EVI5: variants seen among roughly 807,000 people sequenced by gnomAD.
The protein encoded by EVI5 is ecotropic viral integration site 5.
In EVI5, 73 loss-of-function variants were observed where a neutral mutation model predicts 112.0. The ratio of observed to expected loss-of-function variants is 0.65; its 90% CI spans 0.54 to 0.79. The LOEUF is 0.79. EVI5 is among the 30% of genes least tolerant of loss of function. The probability of loss-of-function intolerance (pLI) is 0.00; values close to 1 mark genes in which losing one functional copy is unlikely to be tolerated. For missense variants in EVI5, 900 were observed against 968.8 expected (o/e 0.93, Z 0.94); for synonymous variants, 305 against 319.9 (o/e 0.95, Z 0.50).
intron 6 of EVI5, 32 bp downstream of exon 6, chr1:92,697,828 A>G (rs7418336): frequency 0.65 from 1,024,077 of 1,571,088 alleles, 338,393 homozygotes; most frequent in East Asian, 0.93. Flanking sequence ...ATATAAAGGC[A>G]ATATGCCTTT....
At chr1:92,586,658 CTTA>C (rs1425952132) in intron 18 of EVI5, among the ~76,000 whole-genome samples, 1 of 130,932 alleles carries the variant, frequency 7.6e-6, no homozygotes, top group East Asian at 2.3e-4. Flanking sequence ...TGAGTACTTC[CTTA>C]CTTATTGGCA....
intron 18 of EVI5, among the ~76,000 whole-genome samples, chr1:92,591,473 T>C (rs1342788564): frequency 6.6e-6 from 1 of 151,968 alleles, no homozygotes; most frequent in Non-Finnish European, 1.5e-5. Flanking sequence ...TAGTTTCCAA[T>C]AAAACAGACT....
At chr1:92,550,396 A>C (rs1054517904) in intron 19 of EVI5, among the ~76,000 whole-genome samples, 3 of 150,948 alleles carry the variant, frequency 2.0e-5, no homozygotes, top group Non-Finnish European at 4.4e-5. Context: ...ATCTAATGTA[A>C]ATGAGGAGTT....
intron 19 of EVI5, among the ~76,000 whole-genome samples, chr1:92,531,912 T>C (rs780930573): frequency 1.3e-5 from 2 of 152,164 alleles, no homozygotes; most frequent in African/African-American, 2.4e-5. Context: ...AGCATCATAA[T>C]GGCAGGATCA....
chr1:92,597,761 C>A (rs1030852939), intron 18 of EVI5, among the ~76,000 whole-genome samples: 1 of 152,280 alleles, frequency 6.6e-6, no homozygotes, highest in Middle Eastern at 3.4e-3. Flanking sequence ...ACAGTAAGCA[C>A]CCAATATAGC....
chr1:92,766,811 G>A (rs1406663386), intron 1 of EVI5, among the ~76,000 whole-genome samples: 1 of 152,184 alleles, frequency 6.6e-6, no homozygotes, highest in Non-Finnish European at 1.5e-5. Flanking sequence ...GCCAGGCGCA[G>A]TGATTCAAGC....
Position 92,552,190 on chromosome 1 carries a change from C to A in EVI5, c.2166+11452G>T, listed in dbSNP as rs114435548. 1.8e-3 allele frequency among the ~76,000 whole-genome samples: 274 copies of A among 148,228 alleles called. 4 individuals are homozygous for A. The highest frequency in any genetic ancestry group is 6.3e-3 in the African/African-American group (252 of 40,288). On this transcript the variant is annotated intron_variant, in intron 19 of 19. Transcript: ENST00000684568. The stretch of plus-strand genomic sequence containing the variant: ...GAGTTCCCACTGGCCAAATTTGGGA[C>A]AATATGAACACCAAGAGAACTGACT...
intron 1 of EVI5, among the ~76,000 whole-genome samples, chr1:92,770,738 C>T (rs971717793): frequency 4.6e-5 from 7 of 151,480 alleles, no homozygotes; most frequent in East Asian, 2.0e-4. Flanking sequence ...TGCAGTGAGC[C>T]GAAATCGCGC....
intron 18 of EVI5, among the ~76,000 whole-genome samples, chr1:92,588,389 T>G (rs1323028755): frequency 6.6e-6 from 1 of 152,216 alleles, no homozygotes; most frequent in Admixed American, 6.5e-5. Context: ...GCTCCTTATG[T>G]CAGGCCCTTT....
At chr1:92,543,041 C>T (rs1272109616) in intron 19 of EVI5, among the ~76,000 whole-genome samples, 1 of 152,186 alleles carries the variant, frequency 6.6e-6, no homozygotes, top group African/African-American at 2.4e-5. Context: ...TTGGCTTCAA[C>T]TTAAAGTCAA....
intron 18 of EVI5, among the ~76,000 whole-genome samples, chr1:92,593,717 CAA>C (rs1201403044): frequency 6.6e-6 from 1 of 152,178 alleles, no homozygotes; most frequent in Non-Finnish European, 1.5e-5. Flanking sequence ...GCAACTTCAG[CAA>C]AGTCTCAGGA....
chr1:92,520,846 C>G (rs550789361), intron 19 of EVI5, among the ~76,000 whole-genome samples: 2 of 150,544 alleles, frequency 1.3e-5, no homozygotes, highest in East Asian at 3.9e-4. Flanking sequence ...AGAGTGCAAC[C>G]CTGTCTAAAA....
chr1:92,695,682 A>G (rs1670211371), intron 6 of EVI5, among the ~76,000 whole-genome samples: 1 of 152,186 alleles, frequency 6.6e-6, no homozygotes. Flanking sequence ...ATTTATTAAT[A>G]AAAAGAAACT....
At chr1:92,708,904 G>A (rs1409571830) in intron 2 of EVI5, among the ~76,000 whole-genome samples, 4 of 152,108 alleles carry the variant, frequency 2.6e-5, no homozygotes, top group Non-Finnish European at 5.9e-5. Flanking sequence ...ATATCTAGAA[G>A]AAAGAAAATA....
intron 13 of EVI5, among the ~76,000 whole-genome samples, chr1:92,658,998 T>C (rs975860728): frequency 6.6e-6 from 1 of 152,094 alleles, no homozygotes; most frequent in African/African-American, 2.4e-5. Flanking sequence ...CCCTATTCAA[T>C]AAATGGTGCT....
chr1:92,734,035 T>C (rs1269370901), intron 2 of EVI5, among the ~76,000 whole-genome samples: 4 of 152,242 alleles, frequency 2.6e-5, no homozygotes, highest in Non-Finnish European at 5.9e-5. Context: ...GCAAGTTATA[T>C]GGCCACGCCT....
chr1:92,607,548 C>A, intron 17 of EVI5, 33 bp downstream of exon 17: 1 of 1,500,018 alleles, frequency 6.7e-7, no homozygotes, highest in Non-Finnish European at 8.9e-7. Flanking sequence ...ATTATATTGA[C>A]AAAAAACAAA....
chr1:92,647,369 T>C (rs1257479199), intron 13 of EVI5: 4 of 261,928 alleles, frequency 1.5e-5, no homozygotes, highest in Non-Finnish European at 3.1e-5. Context: ...ATGTCTCTTT[T>C]GGAGACATGA....
upstream of EVI5, among the ~76,000 whole-genome samples, chr1:92,790,030 A>C (rs1685971604): frequency 6.6e-6 from 1 of 152,150 alleles, no homozygotes; most frequent in Non-Finnish European, 1.5e-5. Context: ...ACTTAAATTA[A>C]GCCAGGCATG....
Sources: allele counts gnomAD v4.1 joint callset (sites outside exome capture counted in the v4.1 genomes callset), GRCh38; gene constraint gnomAD v4.1.1; transcripts MANE v1.5; gene names NCBI Gene and HGNC (gene_info 2026-07-23, HGNC 2026-07-21).